CCDC149: variants seen among roughly 807,000 people sequenced by gnomAD.
The protein encoded by CCDC149 is coiled-coil domain containing 149, also known as coiled-coil domain-containing protein 149.
A neutral mutation model predicts 59.9 loss-of-function variants in CCDC149; 45 were observed. That is an observed-to-expected ratio of 0.75 (90% CI 0.59 to 0.96). The LOEUF is 0.96. Among genes scored for constraint, CCDC149 ranks in the 40% least tolerant of loss-of-function variants. The probability of loss-of-function intolerance (pLI) is 0.00; values close to 1 mark genes in which losing one functional copy is unlikely to be tolerated. For missense variants in CCDC149, 584 were observed against 664.7 expected (o/e 0.88, Z 1.33); for synonymous variants, 245 against 260.6 (o/e 0.94, Z 0.58).
intron 1 of CCDC149, among the ~76,000 whole-genome samples, chr4:24,905,278 T>G (rs1721410282): frequency 6.6e-6 from 1 of 152,116 alleles, no homozygotes; most frequent in Non-Finnish European, 1.5e-5. Flanking sequence ...TCTCCCAGTC[T>G]GTGACTCTTT....
chr4:24,838,113 T>A (rs1716662486), intron 5 of CCDC149, 43 bp downstream of exon 5: 1 of 1,418,522 alleles, frequency 7.0e-7, no homozygotes, highest in South Asian at 1.1e-5. Context: ...TGTGTCCAGC[T>A]GTGCAAATGC....
intron 1 of CCDC149, among the ~76,000 whole-genome samples, chr4:24,964,661 T>C (rs1723744144): frequency 6.6e-6 from 1 of 151,940 alleles, no homozygotes; most frequent in Non-Finnish European, 1.5e-5. Flanking sequence ...ATTGAAAAAA[T>C]GTTTGAAATA....
intron 2 of CCDC149, among the ~76,000 whole-genome samples, chr4:24,874,673 T>C (rs1719298334): frequency 6.6e-6 from 1 of 152,154 alleles, no homozygotes; most frequent in Non-Finnish European, 1.5e-5. Context: ...GAATGCTCAT[T>C]AAATGAGCAC....
At chr4:24,817,693 C>T (rs1485206491) in intron 12 of CCDC149, among the ~76,000 whole-genome samples, 3 of 151,638 alleles carry the variant, frequency 2.0e-5, no homozygotes, top group Non-Finnish European at 4.4e-5. Context: ...CTCCCTCATC[C>T]GTATGCAAGA....
chr4:24,832,453 T>C (rs1425369186), intron 8 of CCDC149, among the ~76,000 whole-genome samples: 1 of 152,172 alleles, frequency 6.6e-6, no homozygotes, highest in Non-Finnish European at 1.5e-5. Flanking sequence ...CCAAATCCCA[T>C]TCACGGCCAA....
chr4:24,830,419 T>C (rs1716066682), intron 9 of CCDC149: 1 of 152,302 alleles, frequency 6.6e-6, no homozygotes, highest in East Asian at 1.9e-4. Flanking sequence ...ATTACCCGTG[T>C]CATCCCTTCG....
At chr4:24,834,224 T>G (rs188908706) in intron 8 of CCDC149, among the ~76,000 whole-genome samples, 3 of 152,204 alleles carry the variant, frequency 2.0e-5, no homozygotes, top group Admixed American at 6.5e-5. Context: ...TGCCATATGA[T>G]AGTTGCTGGT....
At chr4:24,820,529 A>G (rs1199492283) in intron 11 of CCDC149, among the ~76,000 whole-genome samples, 1 of 152,116 alleles carries the variant, frequency 6.6e-6, no homozygotes, top group Non-Finnish European at 1.5e-5. Context: ...GAGGAGGAGG[A>G]GGAGGATGAG....
chr4:24,931,331 A>ATATATATATATATC (rs1394185015), intron 1 of CCDC149, among the ~76,000 whole-genome samples: 55 of 147,516 alleles, frequency 3.7e-4, no homozygotes, highest in African/African-American at 1.3e-3. Flanking sequence ...ATATATATAT[A>ATATATATATATATC]TCTCAGTACA....
At chr4:24,903,564 T>C (rs530423652) in intron 1 of CCDC149, among the ~76,000 whole-genome samples, 12 of 152,310 alleles carry the variant, frequency 7.9e-5, no homozygotes, top group African/African-American at 2.6e-4. Flanking sequence ...TCACCTCCTT[T>C]TGAAAAATAC....
chr4:24,956,219 T>C (rs900828381), intron 1 of CCDC149, among the ~76,000 whole-genome samples: 1 of 63,266 alleles, frequency 1.6e-5, no homozygotes, highest in African/African-American at 6.7e-5. Flanking sequence ...CAAACCTAGT[T>C]AACACAAACT....
At position 24,835,026 on chromosome 4, in the gene CCDC149, G is replaced by A. The variant is rs753190091; in HGVS notation, c.742C>T (p.Leu248=). The stretch of plus-strand genomic sequence containing the variant: ...CCCTTCGAGTTTTTCCGTCTCTCCA[G>A]AGCATTCTAAAACAGGATTGGGAGA... The change falls in exon 8 of 13, where the codon CTG becomes TTG. Residue 248 remains leucine (L), a synonymous_variant. Coordinates refer to ENST00000635206, the MANE Select transcript of CCDC149 (RefSeq NM_001330643.2). 6.2e-7 allele frequency: 1 copy of A among 1,612,984 alleles called. No individual in the cohort carries two copies.
At chr4:24,896,295 T>A (rs1289883450) in intron 1 of CCDC149, among the ~76,000 whole-genome samples, 1 of 152,184 alleles carries the variant, frequency 6.6e-6, no homozygotes, top group Non-Finnish European at 1.5e-5. Flanking sequence ...GGTGACTACA[T>A]CCTGGTGGAC....
intron 1 of CCDC149, among the ~76,000 whole-genome samples, chr4:24,880,989 G>A (rs10015498): frequency 6.6e-6 from 1 of 151,956 alleles, no homozygotes; most frequent in Non-Finnish European, 1.5e-5. Context: ...AAAGCACGGG[G>A]TAAGGGCTCC....
chr4:24,822,850 C>T, intron 9 of CCDC149: 1 of 267,940 alleles, frequency 3.7e-6, no homozygotes, highest in Non-Finnish European at 6.9e-6. Context: ...ATGATGACTC[C>T]ACCGCTGCCC....
intron 1 of CCDC149, among the ~76,000 whole-genome samples, chr4:24,953,229 C>A (rs539017862): frequency 3.9e-5 from 6 of 152,298 alleles, no homozygotes; most frequent in South Asian, 2.1e-4. Context: ...GTGATCAGAA[C>A]ACAGATTCCT....
chr4:24,898,378 A>G (rs948969957), intron 1 of CCDC149, among the ~76,000 whole-genome samples: 2 of 152,134 alleles, frequency 1.3e-5, no homozygotes, highest in East Asian at 3.9e-4. Flanking sequence ...AGGTAGCTAC[A>G]TATTTCTGGA....
At chr4:24,917,580 G>T (rs1399980232), upstream of CCDC149, among the ~76,000 whole-genome samples, 1 of 152,094 alleles carries the variant, frequency 6.6e-6, no homozygotes, top group Non-Finnish European at 1.5e-5. Flanking sequence ...GAGAGACAGA[G>T]GGAGAGACAG....
At chr4:24,873,483 T>C (rs540916727) in intron 3 of CCDC149, among the ~76,000 whole-genome samples, 198 bp downstream of exon 3, 7 of 152,226 alleles carry the variant, frequency 4.6e-5, no homozygotes, top group Non-Finnish European at 7.4e-5. Flanking sequence ...CTGGTGTACC[T>C]CCCCCAACCA....
Sources: gnomAD v4.1 joint callset for allele counts (sites outside exome capture counted in the v4.1 genomes callset) on GRCh38, gnomAD v4.1.1 for gene constraint, MANE v1.5 for transcripts, NCBI Gene and HGNC (gene_info 2026-07-23, HGNC 2026-07-21) for gene names.